The following TMEM39B variants were observed in gnomAD, a reference collection of about 807,000 sequenced individuals.
The protein encoded by TMEM39B is transmembrane protein 39B.
A neutral mutation model predicts 52.2 loss-of-function variants in TMEM39B; 23 were observed. The ratio of observed to expected loss-of-function variants is 0.44; its 90% CI spans 0.32 to 0.62. TMEM39B has a LOEUF of 0.62. Among genes scored for constraint, TMEM39B ranks in the 20% least tolerant of loss-of-function variants. The pLI, the probability that TMEM39B is intolerant of heterozygous loss-of-function variation, is 0.06. For synonymous variants in TMEM39B, 285 were observed against 264.0 expected (o/e 1.08, Z -0.77); for missense variants, 547 against 642.0 (o/e 0.85, Z 1.60).
intron 5 of TMEM39B, among the ~76,000 whole-genome samples, chr1:32,077,862 C>A (rs116018845): frequency 1.3e-5 from 2 of 152,126 alleles, no homozygotes; most frequent in African/African-American, 4.8e-5. Context: ...TCTCTTTCTC[C>A]GTCTCACCAG....
chr1:32,076,916 A>G, intron 4 of TMEM39B, 70 bp downstream of exon 4: 1 of 1,543,824 alleles, frequency 6.5e-7, no homozygotes, highest in Non-Finnish European at 9.0e-7. Flanking sequence ...CCAAGGAAAC[A>G]TGCCCAGCCC....
rs1640620780 is a variant in TMEM39B, at chr1:32,091,859, A to G, written c.775A>G (p.Met259Val). The change falls in exon 6 of 9, where the codon ATG becomes GTG. Residue 259 changes from methionine (M) to valine (V), a missense_variant. Met to Val is a conservative substitution (Grantham distance 21). Coordinates refer to ENST00000336294, the MANE Select transcript of TMEM39B (RefSeq NM_018056.4). ...HTRQLYGPDAMPTHACCLSPS... is the reference protein window; with the variant it reads ...HTRQLYGPDAVPTHACCLSPS... ...AAGACAGCTGTATGGCCCGGACGCC[A>G]TGCCCACCCATGCCTGCTGCCTGTC... 14 of 1,614,244 alleles carry G rather than the reference A, an allele frequency of 8.7e-6. No homozygotes were observed. Among genetic ancestry groups the G allele is most frequent in the East Asian group, 2.2e-5 (1 of 44,888 alleles).
intron 7 of TMEM39B, 142 bp from the exon 8 acceptor site, chr1:32,100,300 C>A: frequency 1.1e-6 from 1 of 936,152 alleles, no homozygotes; most frequent in Non-Finnish European, 1.5e-6. Flanking sequence ...GAGGAGGCAA[C>A]TGAAACCCAG....
chr1:32,094,519 C>T (rs1167971768), intron 6 of TMEM39B, among the ~76,000 whole-genome samples: 1 of 151,994 alleles, frequency 6.6e-6, no homozygotes, highest in African/African-American at 2.4e-5. Context: ...GCAAAAGAGC[C>T]CAGATTTGAA....
chr1:32,083,624 G>A lies in TMEM39B; in HGVS notation c.590+6306G>A, dbSNP rs527528913. On this transcript the variant is annotated intron_variant, in intron 5 of 8. Transcript: ENST00000336294. Reference sequence around the variant, plus strand: ...TTTTTAGTAGAGACGGGGTTTCACCGTGTTAGTCAGGATGGTCTCGATCTC... The same window carrying A: ...TTTTTAGTAGAGACGGGGTTTCACCATGTTAGTCAGGATGGTCTCGATCTC... 1.3e-4 allele frequency among the ~76,000 whole-genome samples: 19 copies of A among 150,642 alleles called. No individual in the cohort carries two copies. The South Asian group carries it at 3.4e-3, about 27-fold the overall frequency.
intron 3 of TMEM39B, chr1:32,076,093 T>A (rs1287301650): frequency 3.7e-6 from 1 of 272,142 alleles, no homozygotes; most frequent in South Asian, 1.2e-4. Flanking sequence ...TCCTTTTCTT[T>A]TCTTTTCTTC....
At chr1:32,081,600 T>C (rs1640103151) in intron 5 of TMEM39B, among the ~76,000 whole-genome samples, 1 of 151,858 alleles carries the variant, frequency 6.6e-6, no homozygotes, top group African/African-American at 2.4e-5. Context: ...ATACAAAAAT[T>C]AGCCAGGTGT....
At chr1:32,098,521 A>G (rs532167002) in intron 7 of TMEM39B, among the ~76,000 whole-genome samples, 30 of 151,600 alleles carry the variant, frequency 2.0e-4, no homozygotes, top group African/African-American at 7.2e-4. Flanking sequence ...TCACGAGGTC[A>G]GGAGATCGAG....
At chr1:32,075,125 A>G in intron 2 of TMEM39B, 48 bp downstream of exon 2, 1 of 1,524,458 alleles carries the variant, frequency 6.6e-7, no homozygotes, top group Non-Finnish European at 8.8e-7. Context: ...CACAGGGACG[A>G]TGTGGACAGG....
At position 32,094,943 on chromosome 1, in the gene TMEM39B, G is replaced by A; in HGVS notation, c.1087G>A (p.Ala363Thr). ...GGGCTGTTGGCAGAAGGTGGACCCA[G>A]CGCTGTGCTCCAACGTGCTGCAGCA... Reference protein sequence around the residue: ...HLGCWQKVDPALCSNVLQHPW... With the variant: ...HLGCWQKVDPTLCSNVLQHPW... Residue 363 changes from alanine to threonine, a missense_variant, in exon 7 of 9, where the codon GCG becomes ACG. Ala to Thr is a moderately conservative substitution (Grantham distance 58). Transcript: ENST00000336294. The A allele has an allele frequency of 6.2e-7, 1 of 1,613,626 alleles. No individual in the cohort carries two copies. Among genetic ancestry groups the A allele is most frequent in the Non-Finnish European group, 8.5e-7 (1 of 1,180,040 alleles).
At chr1:32,098,738 CA>C (rs1265403730) in intron 7 of TMEM39B, among the ~76,000 whole-genome samples, 20 of 143,042 alleles carry the variant, frequency 1.4e-4, no homozygotes, top group East Asian at 2.0e-4. Flanking sequence ...GACTCTGTCT[CA>C]AAAAAAAAAA....
At position 32,088,010 on chromosome 1, in the gene TMEM39B, C is replaced by T. The variant is rs190080583; in HGVS notation, c.591-3665C>T. On this transcript the variant is annotated intron_variant, in intron 5 of 8. Transcript: ENST00000336294. ...CTCTGGTGGCGGGCGCCTGTAGTCC[C>T]GGCTACTCAGGAGGCTGAGGCAGAA... Among the ~76,000 whole-genome samples the T allele has an allele frequency of 9.0e-3, 1,354 of 150,830 alleles. 17 individuals are homozygous for T. Among genetic ancestry groups the T allele is most frequent in the African/African-American group, 0.031 (1,267 of 41,152 alleles).
At chr1:32,090,469 T>G (rs937942255) in intron 5 of TMEM39B, among the ~76,000 whole-genome samples, 4 of 152,048 alleles carry the variant, frequency 2.6e-5, no homozygotes, top group Non-Finnish European at 5.9e-5. Flanking sequence ...ATTTTTTTTT[T>G]TCTGAGACAA....
At chr1:32,081,845 C>T (rs1211235458) in intron 5 of TMEM39B, among the ~76,000 whole-genome samples, 1 of 152,020 alleles carries the variant, frequency 6.6e-6, no homozygotes, top group African/African-American at 2.4e-5. Flanking sequence ...AAAAAGTCTC[C>T]CCTTGACTGC....
At position 32,100,133 on chromosome 1, in the gene TMEM39B, G is replaced by C. The variant is rs113642365; in HGVS notation, c.1116-309G>C. Among the ~76,000 whole-genome samples, 29 of 152,268 alleles carry C rather than the reference G, an allele frequency of 1.9e-4. 1 individual carries two copies. The highest frequency in any genetic ancestry group is 6.7e-4 in the African/African-American group (28 of 41,564). On this transcript the variant is annotated intron_variant, in intron 7 of 8. Coordinates refer to ENST00000336294, the MANE Select transcript of TMEM39B (RefSeq NM_018056.4). Reference sequence around the variant, plus strand: ...ACAAAGACCACTCAGACAACTGTGTGGTGGACCACTTGGAGGCAAGAGGTG... The same window carrying C: ...ACAAAGACCACTCAGACAACTGTGTCGTGGACCACTTGGAGGCAAGAGGTG...
chr1:32,098,925 A>G (rs564767151), intron 7 of TMEM39B, among the ~76,000 whole-genome samples: 1 of 152,208 alleles, frequency 6.6e-6, no homozygotes, highest in Admixed American at 6.5e-5. Flanking sequence ...GGGAATGTGG[A>G]CTAGTAGCAG....
At chr1:32,087,159 A>G (rs1640385720) in intron 5 of TMEM39B, among the ~76,000 whole-genome samples, 1 of 152,038 alleles carries the variant, frequency 6.6e-6, no homozygotes, top group Non-Finnish European at 1.5e-5. Context: ...TGTTGAAGTG[A>G]TAGTATTTGC....
chr1:32,076,690 G>A, intron 3 of TMEM39B, 73 bp from the exon 4 acceptor site: 1 of 1,419,556 alleles, frequency 7.0e-7, no homozygotes, highest in Non-Finnish European at 1.0e-6. Flanking sequence ...ATGGGCAGCG[G>A]GAGGTGGGTA....
chr1:32,091,739 C>G lies in TMEM39B; in HGVS notation c.655C>G (p.His219Asp), dbSNP rs764989145. The change falls in exon 6 of 9, where the codon CAC becomes GAC. Residue 219 changes from histidine (H) to aspartate (D), a missense_variant. By Grantham distance (81) the His-to-Asp change is moderately conservative. Coordinates refer to ENST00000336294, the MANE Select transcript of TMEM39B (RefSeq NM_018056.4). ...CCTCCGCAAGACAAGCCTCTTCAAC[C>G]ACATGGCCTCCATGGGGCCCCGGGA... ...CDLRKTSLFN[H>D]MASMGPREAV... 14 of 1,614,072 alleles carry G rather than the reference C, an allele frequency of 8.7e-6. No homozygotes were observed. The South Asian group carries it at 1.5e-4, about 18-fold the overall frequency.
Sources: allele counts gnomAD v4.1 joint callset (sites outside exome capture counted in the v4.1 genomes callset), GRCh38; gene constraint gnomAD v4.1.1; transcripts MANE v1.5; gene names NCBI Gene and HGNC (gene_info 2026-07-23, HGNC 2026-07-21).